The following ADGRB3 variants were observed in gnomAD, a reference collection of about 807,000 sequenced individuals.
ADGRB3 encodes the protein adhesion G protein-coupled receptor B3.
A neutral mutation model predicts 193.4 loss-of-function variants in ADGRB3; 37 were observed. That is an observed-to-expected ratio of 0.19 (90% CI 0.15 to 0.25). ADGRB3 has a LOEUF of 0.25. Ranked by LOEUF, ADGRB3 falls within the 10% of genes least tolerant of loss-of-function variation. The pLI, the probability that ADGRB3 is intolerant of heterozygous loss-of-function variation, is 1.00. For synonymous variants in ADGRB3, 690 were observed against 644.2 expected, an observed-to-expected ratio of 1.07 and a Z score of -1.08; for missense variants, 1,637 against 1,852.9, an observed-to-expected ratio of 0.88 and a Z score of 2.14.
intron 26 of ADGRB3, 63 bp from the exon 27 acceptor site, chr6:69,354,170 A>C: frequency 8.3e-7 from 1 of 1,212,060 alleles, no homozygotes; most frequent in Non-Finnish European, 1.2e-6. Flanking sequence ...CTGATTGCCA[A>C]GATAGACAGT....
intron 13 of ADGRB3, among the ~76,000 whole-genome samples, chr6:69,037,770 T>C (rs998270370): frequency 6.6e-6 from 1 of 152,126 alleles, no homozygotes; most frequent in African/African-American, 2.4e-5. Flanking sequence ...TCTTGCTCTA[T>C]TGTGTCATTT....
rs111910495 is a variant in ADGRB3, at chr6:68,743,341, GT to G, written c.757+103920del. On this transcript the variant is annotated intron_variant, in intron 3 of 31. Transcript: ENST00000370598. ...GTTGAGACATCTGAATCTTCTACTT[GT>G]TTTTTTTTTTGTGTGTGTGTGTATA... is the stretch of plus-strand genomic sequence containing the variant. 4.5e-3 allele frequency among the ~76,000 whole-genome samples: 517 copies of G among 115,714 alleles called. 5 individuals are homozygous for G. Among genetic ancestry groups the G allele is most frequent in the African/African-American group, 0.014 (476 of 34,404 alleles). 75.9% of individuals were successfully genotyped at this position (115,714 alleles called of 152,430 possible).
chr6:68,868,530 T>G (rs1765367172), intron 3 of ADGRB3, among the ~76,000 whole-genome samples: 1 of 152,236 alleles, frequency 6.6e-6, no homozygotes, highest in Non-Finnish European at 1.5e-5. Flanking sequence ...CACTATAATT[T>G]TTTAACCAAA....
At chr6:69,196,767 G>A (rs1264736594) in intron 17 of ADGRB3, among the ~76,000 whole-genome samples, 2 of 152,076 alleles carry the variant, frequency 1.3e-5, no homozygotes, top group Non-Finnish European at 2.9e-5. Context: ...TAATGAGAGA[G>A]CAGAGCAAGT....
intron 13 of ADGRB3, among the ~76,000 whole-genome samples, chr6:69,043,286 A>G (rs1369801495): frequency 1.1e-4 from 14 of 124,138 alleles, no homozygotes; most frequent in Non-Finnish European, 1.7e-4. Flanking sequence ...GAAAGGAAGA[A>G]AGAGAGAAAG....
intron 3 of ADGRB3, among the ~76,000 whole-genome samples, chr6:68,645,925 C>T (rs1366420861): frequency 1.3e-5 from 2 of 151,890 alleles, no homozygotes; most frequent in Non-Finnish European, 1.5e-5. Flanking sequence ...CCACCTGCCT[C>T]GGCCTCCCAA....
At position 68,975,292 on chromosome 6, in the gene ADGRB3, G is replaced by C. The variant is rs148136685; in HGVS notation, c.1686G>C (p.Pro562=). The part of the protein sequence containing the change: ...SLHGVAFWEQ[P]SFARCISNEY... ...ATGGAGTGGCCTTCTGGGAACAGCCGAGCTTTGCAAGATGCATATCAAATG... is the reference window on the plus strand; with the variant it reads ...ATGGAGTGGCCTTCTGGGAACAGCCCAGCTTTGCAAGATGCATATCAAATG... Residue 562 remains proline (P), a synonymous_variant, in exon 10 of 32, where the codon CCG becomes CCC. Coordinates refer to ENST00000370598, the MANE Select transcript of ADGRB3 (RefSeq NM_001704.3). 3 of 1,613,916 alleles carry C rather than the reference G, an allele frequency of 1.9e-6. No individual in the cohort carries two copies. The highest frequency in any genetic ancestry group is 2.2e-5 in the East Asian group (1 of 44,876).
intron 3 of ADGRB3, among the ~76,000 whole-genome samples, chr6:68,859,990 C>T (rs1314866664): frequency 1.3e-5 from 2 of 151,880 alleles, no homozygotes; most frequent in African/African-American, 4.8e-5. Flanking sequence ...ATAATAGTAA[C>T]TATAGGTATT....
intron 3 of ADGRB3, among the ~76,000 whole-genome samples, chr6:68,674,657 A>T (rs751659085): frequency 2.6e-5 from 4 of 152,176 alleles, no homozygotes; most frequent in Non-Finnish European, 5.9e-5. Flanking sequence ...CTTGAAGGAC[A>T]TTTTGTATTT....
At chr6:68,963,343 A>G (rs979538641) in intron 8 of ADGRB3, among the ~76,000 whole-genome samples, 2 of 152,006 alleles carry the variant, frequency 1.3e-5, no homozygotes, top group African/African-American at 4.8e-5. Context: ...TTATGACAAC[A>G]CCTGCCTTCT....
chr6:68,690,783 A>G (rs144872357), intron 3 of ADGRB3, among the ~76,000 whole-genome samples: 3 of 152,286 alleles, frequency 2.0e-5, no homozygotes, highest in Admixed American at 6.5e-5. Flanking sequence ...GGTATATAGT[A>G]TATGACCATC....
intron 26 of ADGRB3, among the ~76,000 whole-genome samples, chr6:69,349,370 T>C (rs980263329): frequency 2.0e-5 from 3 of 152,218 alleles, no homozygotes; most frequent in Admixed American, 6.5e-5. Flanking sequence ...CCTTTAGATA[T>C]TAAGGGATTC....
intron 20 of ADGRB3, among the ~76,000 whole-genome samples, chr6:69,288,422 C>T (rs1333655718): frequency 6.6e-6 from 1 of 151,956 alleles, no homozygotes; most frequent in Admixed American, 6.6e-5. Flanking sequence ...GTATATGTAC[C>T]ACATTTTCTT....
intron 17 of ADGRB3, among the ~76,000 whole-genome samples, chr6:69,104,038 T>C (rs1016195021): frequency 6.6e-6 from 1 of 151,206 alleles, no homozygotes; most frequent in African/African-American, 2.4e-5. Context: ...AGTTTTTAAT[T>C]TTTTTTTATT....
At chr6:68,637,263 TGCATGCGTTG>T (rs1767980862) in intron 1 of ADGRB3, 118 bp from the exon 2 acceptor site, 1 of 152,436 alleles carries the variant, frequency 6.6e-6, no homozygotes, top group Admixed American at 6.5e-5. Flanking sequence ...GGATTTGGTG[TGCATGCGTTG>T]GTGTGTGTTA....
chr6:69,035,056 T>A (rs1770827774), intron 13 of ADGRB3, among the ~76,000 whole-genome samples: 1 of 152,106 alleles, frequency 6.6e-6, no homozygotes, highest in African/African-American at 2.4e-5. Flanking sequence ...TTATTAGTCA[T>A]CATCCTTTGT....
At chr6:69,077,903 TCA>T (rs1368021254) in intron 17 of ADGRB3, among the ~76,000 whole-genome samples, 1 of 151,984 alleles carries the variant, frequency 6.6e-6, no homozygotes, top group Non-Finnish European at 1.5e-5. Context: ...TTCTTTCCCA[TCA>T]CAGTTTTCGC....
chr6:68,730,982 G>T (rs914465147), intron 3 of ADGRB3, among the ~76,000 whole-genome samples: 1 of 151,508 alleles, frequency 6.6e-6, no homozygotes, highest in African/African-American at 2.4e-5. Flanking sequence ...TAATTATTCA[G>T]AAAGTGAAAG....
Position 69,006,590 on chromosome 6 carries a change from A to G in ADGRB3, c.1930-7448A>G, listed in dbSNP as rs142491622. 4.3e-3 allele frequency among the ~76,000 whole-genome samples: 654 copies of G among 150,474 alleles called. 7 individuals are homozygous for G. The highest frequency in any genetic ancestry group is 0.016 in the African/African-American group (636 of 40,928). ...GCATGATCTTGGCTCACTGTAACCT[A>G]TGCTTCCTGAGTTCACGCAATTCTC... On this transcript the variant is annotated intron_variant, in intron 11 of 31. Transcript: ENST00000370598.
Sources: gnomAD v4.1 joint callset for allele counts (sites outside exome capture counted in the v4.1 genomes callset) on GRCh38, gnomAD v4.1.1 for gene constraint, MANE v1.5 for transcripts, NCBI Gene and HGNC (gene_info 2026-07-23, HGNC 2026-07-21) for gene names.